The following SLC22A23 variants were observed in gnomAD, a reference collection of about 807,000 sequenced individuals.
The protein encoded by SLC22A23 is solute carrier family 22 member 23.
Under a neutral mutation model 61.0 loss-of-function variants are expected in SLC22A23, and 26 were observed. The observed-to-expected ratio is 0.43, with a 90% CI of 0.31 to 0.59. The LOEUF is 0.59. SLC22A23 is among the 20% of genes least tolerant of loss of function. The pLI is 0.11. For missense variants in SLC22A23, 796 were observed against 934.7 expected (o/e 0.85, Z 1.94); for synonymous variants, 430 against 413.9 (o/e 1.04, Z -0.47).
intron 4 of SLC22A23, among the ~76,000 whole-genome samples, chr6:3,314,025 G>A (rs1030340815): frequency 1.1e-4 from 17 of 152,204 alleles, no homozygotes; most frequent in African/African-American, 3.4e-4. Flanking sequence ...GCAGAACTCT[G>A]TCTCAAAAAA....
At chr6:3,283,822 G>A in intron 9 of SLC22A23, 30 bp downstream of exon 9, 14 of 1,612,544 alleles carry the variant, frequency 8.7e-6, no homozygotes, top group Non-Finnish European at 1.2e-5. Flanking sequence ...CGAGAAGCCG[G>A]CGTCCCCTGG....
At chr6:3,389,788 A>G (rs1322315291) in intron 3 of SLC22A23, among the ~76,000 whole-genome samples, 1 of 152,270 alleles carries the variant, frequency 6.6e-6, no homozygotes, top group Non-Finnish European at 1.5e-5. Flanking sequence ...CAAAGCAGGC[A>G]TAAGGGGAAA....
rs1333534834 is a variant in SLC22A23 at position 3,410,223 on chromosome 6, C to T, written c.878G>A (p.Cys293Tyr). 6.2e-7 allele frequency: 1 copy of T among 1,613,834 alleles called. No homozygotes were observed. Among genetic ancestry groups the T allele is most frequent in the Admixed American group, 1.7e-5 (1 of 59,944 alleles). Residue 293 changes from cysteine (C) to tyrosine (Y), a missense_variant, in exon 3 of 10, where the codon TGC (cysteine) becomes TAC (tyrosine). Cys to Tyr is a radical substitution (Grantham distance 194). Transcript: ENST00000406686. This position sits in a 1 kb window ranked among gnomAD's most constrained non-coding sequence, Gnocchi z 5.0. ...FSTLRFFEGF[C>Y]LAGIILTLYA... ...CAAGGTGAGAATGATTCCAGCCAGG[C>T]AAAATCCTTCAAAGAACCTGAGTGT...
chr6:3,312,323 C>G (rs1762408000), intron 4 of SLC22A23: 1 of 152,168 alleles, frequency 6.6e-6, no homozygotes, highest in African/African-American at 2.4e-5. Flanking sequence ...AAGCAATTAT[C>G]AGGCTGCAGA....
intron 4 of SLC22A23, among the ~76,000 whole-genome samples, chr6:3,315,459 A>T (rs4129651): frequency 6.6e-6 from 1 of 152,072 alleles, no homozygotes. Context: ...GAGATGGTCA[A>T]GCTATCTGTT....
rs371110850 is a variant in SLC22A23, at chr6:3,298,121, G to C, written c.1180C>G (p.Pro394Ala). 5 of 1,581,916 alleles carry C rather than the reference G, an allele frequency of 3.2e-6. No homozygotes were observed. Among genetic ancestry groups the C allele is most frequent in the African/African-American group, 2.7e-5 (2 of 72,844 alleles). ...ATCACACCCTTGATGTCGCCCTCAGGGTTCATGCGATTCTTCTGTGTGAAG... is the reference window on the plus strand; with the variant it reads ...ATCACACCCTTGATGTCGCCCTCAGCGTTCATGCGATTCTTCTGTGTGAAG... ...LHFTQKNRMN[P>A]EGDIKGVIPE... is the part of the protein sequence containing the mutation. The change falls in exon 5 of 10, where the codon CCT (proline) becomes GCT (alanine). Residue 394 changes from proline to alanine, a missense_variant. By Grantham distance (27) the Pro-to-Ala change is conservative. Transcript: ENST00000406686.
At chr6:3,452,073 A>G (rs1159328194) in intron 1 of SLC22A23, among the ~76,000 whole-genome samples, 1 of 152,214 alleles carries the variant, frequency 6.6e-6, no homozygotes, top group African/African-American at 2.4e-5. Context: ...ACTGTGGGCT[A>G]ATGTGAGTGT....
Position 3,415,871 on chromosome 6 carries a change from T to C in SLC22A23, c.655-16A>G, listed in dbSNP as rs1345477133. On this transcript the variant is annotated splice_polypyrimidine_tract_variant and intron_variant, in intron 1 of 9. Transcript: ENST00000406686. ...CAAGATCCCACTAGAGAGGGGCAAA[T>C]AGAAAATAAATCAGAGAGAAACATA... The C allele has an allele frequency of 3.9e-5, 59 of 1,517,356 alleles. No individual in the cohort carries two copies. Among genetic ancestry groups the C allele is most frequent in the Non-Finnish European group, 5.1e-5 (57 of 1,115,836 alleles). The allele number at this position is 1,517,356 out of a possible 1,614,324, so 94.0% of individuals were successfully genotyped here.
At chr6:3,369,418 C>T (rs546214140) in intron 3 of SLC22A23, among the ~76,000 whole-genome samples, 63 of 152,254 alleles carry the variant, frequency 4.1e-4, no homozygotes, top group African/African-American at 1.3e-3. Context: ...AGGCCGGGCA[C>T]GGTGGCTCAC....
chr6:3,365,301 G>A (rs1765734833), intron 3 of SLC22A23, among the ~76,000 whole-genome samples: 1 of 152,194 alleles, frequency 6.6e-6, no homozygotes, highest in South Asian at 2.1e-4. Flanking sequence ...CAGCCTGGGT[G>A]ACAGAGCGAG....
intron 3 of SLC22A23, among the ~76,000 whole-genome samples, chr6:3,396,982 T>C (rs1004067111): frequency 1.3e-5 from 2 of 152,206 alleles, no homozygotes; most frequent in Non-Finnish European, 1.5e-5. Context: ...TGCCTTCCGA[T>C]GGCTAAACTA....
At chr6:3,447,864 A>T (rs1166810280) in intron 1 of SLC22A23, among the ~76,000 whole-genome samples, 1 of 144,882 alleles carries the variant, frequency 6.9e-6, no homozygotes, top group Non-Finnish European at 1.5e-5. Context: ...CTGGGATTAC[A>T]GGCATGAGCT....
chr6:3,407,634 G>A (rs1768927153), intron 3 of SLC22A23, among the ~76,000 whole-genome samples: 1 of 152,174 alleles, frequency 6.6e-6, no homozygotes, highest in African/African-American at 2.4e-5. Flanking sequence ...GTTTAGTTTA[G>A]TTGTGTAACC....
At chr6:3,332,076 C>A (rs886834004) in intron 3 of SLC22A23, among the ~76,000 whole-genome samples, 1 of 152,206 alleles carries the variant, frequency 6.6e-6, no homozygotes, top group Non-Finnish European at 1.5e-5. Context: ...GCAAATGGAG[C>A]CTCACAGGCC....
chr6:3,437,896 T>C (rs952886278), intron 1 of SLC22A23, among the ~76,000 whole-genome samples: 3 of 151,612 alleles, frequency 2.0e-5, no homozygotes, highest in Non-Finnish European at 4.4e-5. Flanking sequence ...TACAGGCATG[T>C]GCCACCACAC....
intron 3 of SLC22A23, among the ~76,000 whole-genome samples, chr6:3,397,508 A>C (rs2127494668): frequency 6.6e-6 from 1 of 152,338 alleles, no homozygotes; most frequent in Non-Finnish European, 1.5e-5. Flanking sequence ...AGTTTCCTTA[A>C]CTGTAAAATG....
At chr6:3,347,538 C>T (rs1281024099) in intron 3 of SLC22A23, among the ~76,000 whole-genome samples, 2 of 151,974 alleles carry the variant, frequency 1.3e-5, no homozygotes, top group Non-Finnish European at 2.9e-5. Context: ...AATGAACTGC[C>T]AAATGCCTCA....
At chr6:3,432,533 C>A (rs933299753) in intron 1 of SLC22A23, among the ~76,000 whole-genome samples, 2 of 152,186 alleles carry the variant, frequency 1.3e-5, no homozygotes, top group African/African-American at 4.8e-5. Flanking sequence ...CAGTAGCCAT[C>A]ATGACAAATG....
intron 4 of SLC22A23, among the ~76,000 whole-genome samples, chr6:3,310,678 AT>A (rs1762323606): frequency 6.6e-6 from 1 of 152,136 alleles, no homozygotes; most frequent in Non-Finnish European, 1.5e-5. Flanking sequence ...GAGGTTGATC[AT>A]TTTTCCTTGA....
Sources: allele counts gnomAD v4.1 joint callset (sites outside exome capture counted in the v4.1 genomes callset), GRCh38; gene constraint gnomAD v4.1.1; non-coding constraint Gnocchi (gnomAD v3.1); transcripts MANE v1.5; gene names NCBI Gene and HGNC (gene_info 2026-07-23, HGNC 2026-07-21).